Variants in PPP1R2 observed in about 807,000 individuals in gnomAD.
The protein encoded by PPP1R2 is protein phosphatase 1 regulatory inhibitor subunit 2.
In PPP1R2, 16 loss-of-function variants were observed where a neutral mutation model predicts 29.9. That is an observed-to-expected ratio of 0.53 (90% CI 0.36 to 0.81). PPP1R2 has a LOEUF of 0.81. PPP1R2 is among the 30% of genes least tolerant of loss of function. The pLI is 0.00. For synonymous variants in PPP1R2, 76 were observed against 91.5 expected (o/e 0.83, Z 0.96); for missense variants, 197 against 252.7 (o/e 0.78, Z 1.49).
At chr3:195,531,191 G>A (rs972337024) in intron 1 of PPP1R2, among the ~76,000 whole-genome samples, 1 of 152,156 alleles carries the variant, frequency 6.6e-6, no homozygotes, top group Admixed American at 6.5e-5. Context: ...TAAGGTGCTC[G>A]ATAATTAAAT....
rs777844033 is a variant in PPP1R2, at chr3:195,523,729, ACTG to A, written c.363_365del (p.Ser122del). 1 of 1,614,178 alleles carries A rather than the reference ACTG, an allele frequency of 6.2e-7. No individual in the cohort carries two copies. The highest frequency in any genetic ancestry group is 1.1e-5 in the South Asian group (1 of 91,068). ...GTGAGAGGTCACTATCCTCCTCTCCACTGCTTTCTTGTTCCTGAATCCGATACT... is the reference window on the plus strand; with the variant it reads ...GTGAGAGGTCACTATCCTCCTCTCCACTTTCTTGTTCCTGAATCCGATACT... On this transcript the variant is annotated inframe_deletion, in exon 4 of 6. Transcript: ENST00000618156.
intron 1 of PPP1R2, among the ~76,000 whole-genome samples, chr3:195,536,598 G>C (rs556843747): frequency 2.0e-5 from 3 of 151,774 alleles, no homozygotes; most frequent in Admixed American, 6.6e-5. Context: ...AGACCAGCCC[G>C]GCCAACATGA....
At position 195,519,052 on chromosome 3, in the gene PPP1R2, A is replaced by C; in HGVS notation, c.537T>G (p.Asp179Glu). The change falls in exon 5 of 6, where the codon GAT (aspartate) becomes GAG (glutamate). Residue 179 changes from aspartate (D) to glutamate (E), a missense_variant. Coordinates refer to ENST00000618156, the MANE Select transcript of PPP1R2 (RefSeq NM_006241.8). ...ATTCTTCCGTATTCATGCTTTCTCC[A>C]TCTGCAGTCTCTAACATTTCTTCAT... ...DEDEEMLETA[D>E]GESMNTEESN... 1 of 1,603,184 alleles carries C rather than the reference A, an allele frequency of 6.2e-7. No homozygotes were observed.
chr3:195,525,303 T>C (rs935061047), intron 2 of PPP1R2, among the ~76,000 whole-genome samples: 11 of 145,742 alleles, frequency 7.5e-5, no homozygotes, highest in African/African-American at 3.1e-4. Context: ...TTAGGTAATA[T>C]AACTAACACA....
Position 195,543,189 on chromosome 3 carries a change from A to AACGACCACGACG in PPP1R2, c.-165_-164insCGTCGTGGTCGT, listed in dbSNP as rs1719672735. The AACGACCACGACG allele has an allele frequency of 1.4e-5, 13 of 955,150 alleles. 1 individual carries two copies. In the South Asian group the frequency reaches 1.7e-4, roughly 13 times the overall value. 59.2% of individuals were successfully genotyped at this position (955,150 alleles called of 1,614,324 possible). A position where few individuals can be genotyped will look rare whatever the true frequency, so the allele number is the denominator to read the frequency against. ...CGGCTACCGCAGCGGTTGTCACGACACAACGACCCCGACGCCAGAGCCAAC... is the reference window on the plus strand; with the variant it reads ...CGGCTACCGCAGCGGTTGTCACGACAACGACCACGACGCAACGACCCCGACGCCAGAGCCAAC... On this transcript the variant is annotated 5_prime_UTR_variant, in exon 1 of 6. Transcript: ENST00000618156.
At position 195,519,045 on chromosome 3, in the gene PPP1R2, T is replaced by C. The variant is rs1488982889; in HGVS notation, c.544A>G (p.Ser182Gly). The stretch of plus-strand genomic sequence containing the variant: ...TGATTTGATTCTTCCGTATTCATGC[T>C]TTCTCCATCTGCAGTCTCTAACATT... Reference protein sequence around the residue: ...EEMLETADGESMNTEESNQGS... With the variant: ...EEMLETADGEGMNTEESNQGS... Residue 182 changes from serine to glycine, a missense_variant, in exon 5 of 6, where the codon AGC (serine) becomes GGC (glycine). By Grantham distance (56) the Ser-to-Gly change is moderately conservative. Around this residue, in one of 3 missense-constraint regions of PPP1R2, gnomAD observed 135 missense variants for 163.0 expected, o/e 0.83. Transcript: ENST00000618156. 1.2e-6 allele frequency: 2 copies of C among 1,604,376 alleles called. No homozygotes were observed. The highest frequency in any genetic ancestry group is 3.4e-5 in the Admixed American group (2 of 59,570).
chr3:195,515,812 A>G lies in PPP1R2; in HGVS notation c.*1084T>C, dbSNP rs1718524407. 6.6e-6 allele frequency: 1 copy of G among 152,176 alleles called. No homozygotes were observed. The highest frequency in any genetic ancestry group is 2.4e-5 in the African/African-American group (1 of 41,460). The allele number at this position is 152,176 out of a possible 1,614,324, so 9.4% of individuals were successfully genotyped here. A position where few individuals can be genotyped will look rare whatever the true frequency, so the allele number is the denominator to read the frequency against. ...TCTTAAGTCTAATTAATCCAAACTA[A>G]TAATAGCCATTTAATTAGCAATCTG... On this transcript the variant is annotated 3_prime_UTR_variant, in exon 6 of 6. Coordinates refer to ENST00000618156, the MANE Select transcript of PPP1R2 (RefSeq NM_006241.8).
chr3:195,515,418 T>C lies in PPP1R2; in HGVS notation c.*1478A>G, dbSNP rs1255922273. 1 of 152,618 alleles carries C rather than the reference T, an allele frequency of 6.6e-6. No homozygotes were observed. The highest frequency in any genetic ancestry group is 1.5e-5 in the Non-Finnish European group (1 of 68,028). 9.5% of individuals were successfully genotyped at this position (152,618 alleles called of 1,614,324 possible). ...AAGCCTTCTTTCATATATGTATCTA[T>C]ATATAAAATATACAGACGTTATTTT... On this transcript the variant is annotated 3_prime_UTR_variant, in exon 6 of 6. Coordinates refer to ENST00000618156, the MANE Select transcript of PPP1R2 (RefSeq NM_006241.8).
At chr3:195,535,803 A>G (rs944131441) in intron 1 of PPP1R2, among the ~76,000 whole-genome samples, 6 of 152,236 alleles carry the variant, frequency 3.9e-5, no homozygotes, top group African/African-American at 1.4e-4. Context: ...CAGTAGAAGG[A>G]AGATTATTAG....
intron 1 of PPP1R2, among the ~76,000 whole-genome samples, chr3:195,535,200 C>T (rs913083557): frequency 8.5e-5 from 13 of 152,134 alleles, no homozygotes; most frequent in East Asian, 1.9e-4. Context: ...ACCTAGAGCC[C>T]GCGCATGCAC....
Position 195,514,801 on chromosome 3 carries a change from C to T in PPP1R2, c.*2095G>A, listed in dbSNP as rs541993690. On this transcript the variant is annotated 3_prime_UTR_variant, in exon 6 of 6. Transcript: ENST00000618156. ...ATCAATTACCTACTTATGACTTGAA[C>T]ATACCTTTTCTCAGCTGCATGTGAC... is the stretch of plus-strand genomic sequence containing the variant. The T allele has an allele frequency of 5.1e-5, 8 of 157,078 alleles. No homozygotes were observed. Among genetic ancestry groups the T allele is most frequent in the African/African-American group, 1.4e-4 (6 of 41,708 alleles). 9.7% of individuals were successfully genotyped at this position (157,078 alleles called of 1,614,324 possible).
At chr3:195,526,834 T>G (rs1333841556) in intron 2 of PPP1R2, among the ~76,000 whole-genome samples, 1 of 152,066 alleles carries the variant, frequency 6.6e-6, no homozygotes, top group East Asian at 1.9e-4. Flanking sequence ...CAGGCTGGAG[T>G]GCAATGGCGC....
intron 1 of PPP1R2, among the ~76,000 whole-genome samples, chr3:195,532,841 T>C (rs532613975): frequency 2.6e-5 from 4 of 152,328 alleles, no homozygotes; most frequent in African/African-American, 9.6e-5. Context: ...ACATAGAGAA[T>C]AGTCTACTTT....
chr3:195,523,733 C>G lies in PPP1R2; in HGVS notation c.362G>C (p.Ser121Thr). 1 of 1,614,172 alleles carries G rather than the reference C, an allele frequency of 6.2e-7. No individual in the cohort carries two copies. Among genetic ancestry groups the G allele is most frequent in the Non-Finnish European group, 8.5e-7 (1 of 1,180,018 alleles). The change falls in exon 4 of 6, where the codon AGC becomes ACC. Residue 121 changes from serine (S) to threonine (T), a missense_variant. Physicochemically the swap from Ser to Thr is moderately conservative, Grantham distance 58. Coordinates refer to ENST00000618156, the MANE Select transcript of PPP1R2 (RefSeq NM_006241.8). ...EPKYRIQEQE[S>T]SGEEDSDLSP... ...GAGGTCACTATCCTCCTCTCCACTG[C>G]TTTCTTGTTCCTGAATCCGATACTT...
chr3:195,518,869 T>C, intron 5 of PPP1R2, 149 bp downstream of exon 5: 4 of 1,197,318 alleles, frequency 3.3e-6, no homozygotes, highest in Non-Finnish European at 4.6e-6. Context: ...AAATTGGCCA[T>C]GCGGGTTAAA....
At position 195,526,086 on chromosome 3, in the gene PPP1R2, A is replaced by G. The variant is rs141781391; in HGVS notation, c.231-1190T>C. Among the ~76,000 whole-genome samples the G allele has an allele frequency of 1.8e-3, 265 of 144,656 alleles. 2 individuals carry two copies. The highest frequency in any genetic ancestry group is 3.3e-4 in the Non-Finnish European group (22 of 67,140). The allele number at this position is 144,656 out of a possible 152,430, so 94.9% of individuals were successfully genotyped here. A position where few individuals can be genotyped will look rare whatever the true frequency, so the allele number is the denominator to read the frequency against. On this transcript the variant is annotated intron_variant, in intron 2 of 5. Transcript: ENST00000618156. ...AAGACATGATGTTTCTATAAAAAGCATCTTCACTTAAATAAAATTTTTTTT... is the reference window on the plus strand; with the variant it reads ...AAGACATGATGTTTCTATAAAAAGCGTCTTCACTTAAATAAAATTTTTTTT...
chr3:195,525,635 T>C (rs1718943435), intron 2 of PPP1R2, among the ~76,000 whole-genome samples: 1 of 152,166 alleles, frequency 6.6e-6, no homozygotes, highest in Non-Finnish European at 1.5e-5. Context: ...AGTAACAAAA[T>C]TCGATCCCAA....
intron 1 of PPP1R2, among the ~76,000 whole-genome samples, chr3:195,541,603 T>C (rs1215722411): frequency 1.3e-5 from 2 of 152,006 alleles, no homozygotes; most frequent in African/African-American, 4.8e-5. Context: ...GGATGTTATT[T>C]ATCTTTTAAC....
Position 195,524,806 on chromosome 3 carries a change from C to T in PPP1R2, c.308+13G>A. ...AGCCTAAGTGAAAATGTGCTCCGGTCATTAGTACTTACTTCCTGGCTAAGA... is the reference window on the plus strand; with the variant it reads ...AGCCTAAGTGAAAATGTGCTCCGGTTATTAGTACTTACTTCCTGGCTAAGA... On this transcript the variant is annotated intron_variant, in intron 3 of 5. Coordinates refer to ENST00000618156, the MANE Select transcript of PPP1R2 (RefSeq NM_006241.8). 19 of 1,613,580 alleles carry T rather than the reference C, an allele frequency of 1.2e-5. No homozygotes were observed. Among genetic ancestry groups the T allele is most frequent in the Non-Finnish European group, 1.6e-5 (19 of 1,179,546 alleles).
Sources: allele counts gnomAD v4.1 joint callset (sites outside exome capture counted in the v4.1 genomes callset), GRCh38; gene constraint gnomAD v4.1.1; regional missense constraint gnomAD v4.1.1; transcripts MANE v1.5; gene names NCBI Gene and HGNC (gene_info 2026-07-23, HGNC 2026-07-21).